Variants in NELL1 observed in about 807,000 individuals in gnomAD.
NELL1 encodes the protein neural EGFL like 1.
NELL1 carries 76 observed loss-of-function variants against 107.4 expected under a neutral mutation model. That is an observed-to-expected ratio of 0.71 (90% CI 0.59 to 0.86). NELL1 has a LOEUF of 0.86. Ranked by LOEUF, NELL1 falls within the 40% of genes least tolerant of loss-of-function variation. NELL1 has a pLI of 0.00. For missense variants in NELL1, 1,024 were observed against 1,005.5 expected (o/e 1.02, Z -0.25); for synonymous variants, 353 against 341.2 (o/e 1.03, Z -0.38).
intron 15 of NELL1, among the ~76,000 whole-genome samples, chr11:21,436,367 A>G (rs1380707002): frequency 6.6e-6 from 1 of 151,946 alleles, no homozygotes. Context: ...TCCTTATTTA[A>G]TCTTGTTCAG....
At chr11:21,139,858 T>C (rs996893816) in intron 13 of NELL1, among the ~76,000 whole-genome samples, 4 of 152,188 alleles carry the variant, frequency 2.6e-5, no homozygotes, top group African/African-American at 9.6e-5. Flanking sequence ...GGGACTGGGT[T>C]GGCACAGCAA....
chr11:20,783,850 T>A lies in NELL1; in HGVS notation c.335+20T>A, dbSNP rs1032594236. ...GCACAGGTAAGAAAGCTCTTTCTGC[T>A]TTTGAAAATCTCCTTAGAGTTAATG... On this transcript the variant is annotated intron_variant, in intron 3 of 19. Transcript: ENST00000357134. The A allele has an allele frequency of 6.3e-7, 1 of 1,596,422 alleles. No homozygotes were observed. Among genetic ancestry groups the A allele is most frequent in the Non-Finnish European group, 8.5e-7 (1 of 1,171,362 alleles).
chr11:20,740,844 T>C (rs537579969), intron 2 of NELL1, among the ~76,000 whole-genome samples: 2 of 152,184 alleles, frequency 1.3e-5, no homozygotes, highest in Non-Finnish European at 2.9e-5. Context: ...TAGGCTGGAT[T>C]CAAACTCCTG....
chr11:21,050,279 C>CGCT (rs1554962651), intron 12 of NELL1, among the ~76,000 whole-genome samples: 2 of 151,442 alleles, frequency 1.3e-5, no homozygotes, highest in African/African-American at 4.9e-5. Context: ...CCGCCCCCCA[C>CGCT]TTTTTTTTAA....
intron 6 of NELL1, among the ~76,000 whole-genome samples, chr11:20,918,655 T>C (rs981405814): frequency 1.4e-4 from 22 of 152,038 alleles, no homozygotes; most frequent in African/African-American, 5.3e-4. Context: ...AACCATCAGA[T>C]CTTGTGAGAC....
rs199894731 is a variant in NELL1 at position 20,960,421 on chromosome 11, G to GT, written c.1172-5dup. On this transcript the variant is annotated splice_polypyrimidine_tract_variant and intron_variant, in intron 11 of 19. Transcript: ENST00000357134. ...CCTTTTCTGATGTACGTTTTTATTTGTTTTTTCTAGGTCATAACTTTTGTG... is the reference window on the plus strand; with the variant it reads ...CCTTTTCTGATGTACGTTTTTATTTGTTTTTTTCTAGGTCATAACTTTTGTG... 2.3e-3 allele frequency: 3,636 copies of GT among 1,611,526 alleles called. 54 individuals are homozygous for GT. The African/African-American group carries it at 0.038, about 17-fold the overall frequency.
At chr11:21,239,924 A>G (rs1329187346) in intron 14 of NELL1, among the ~76,000 whole-genome samples, 2 of 152,010 alleles carry the variant, frequency 1.3e-5, no homozygotes, top group Non-Finnish European at 2.9e-5. Context: ...TAGAAATGGG[A>G]AGTTTTGGGG....
At chr11:21,472,123 A>G (rs1854197114) in intron 15 of NELL1, among the ~76,000 whole-genome samples, 1 of 148,830 alleles carries the variant, frequency 6.7e-6, no homozygotes, top group South Asian at 2.2e-4. Flanking sequence ...CTCCCAGAAG[A>G]AAGACACAAG....
intron 12 of NELL1, among the ~76,000 whole-genome samples, chr11:21,025,657 C>T (rs1007712299): frequency 2.0e-5 from 3 of 152,052 alleles, no homozygotes; most frequent in East Asian, 1.9e-4. Flanking sequence ...TATACTCACT[C>T]CCTTCGTGAT....
intron 13 of NELL1, among the ~76,000 whole-genome samples, chr11:21,203,199 CT>C (rs145331587): frequency 0.023 from 3,473 of 152,220 alleles, 135 homozygotes; most frequent in African/African-American, 0.077. Context: ...TCTCATTGAT[CT>C]GTCTAATATG....
intron 13 of NELL1, among the ~76,000 whole-genome samples, chr11:21,182,251 T>A (rs941314800): frequency 1.8e-4 from 28 of 151,678 alleles, no homozygotes; most frequent in African/African-American, 6.3e-4. Context: ...CTGGCCAACA[T>A]AGCGAAACCC....
chr11:21,195,930 G>C (rs1376346726), intron 13 of NELL1, among the ~76,000 whole-genome samples: 1 of 152,204 alleles, frequency 6.6e-6, no homozygotes, highest in Non-Finnish European at 1.5e-5. Flanking sequence ...TTTTCAGCAT[G>C]AAGTGTTATT....
At chr11:21,048,540 T>TA (rs1853412053) in intron 12 of NELL1, among the ~76,000 whole-genome samples, 1 of 152,136 alleles carries the variant, frequency 6.6e-6, no homozygotes, top group Non-Finnish European at 1.5e-5. Context: ...TCCTCCCTCT[T>TA]ACAGGAGAGG....
chr11:20,990,023 CT>C (rs1565002878), intron 12 of NELL1, among the ~76,000 whole-genome samples: 1 of 151,574 alleles, frequency 6.6e-6, no homozygotes, highest in African/African-American at 2.4e-5. Flanking sequence ...AAATTCCAGT[CT>C]AGTTTGCGAC....
At chr11:21,077,758 A>AAG (rs397952301) in intron 12 of NELL1, among the ~76,000 whole-genome samples, 1 of 150,894 alleles carries the variant, frequency 6.6e-6, no homozygotes, top group Non-Finnish European at 1.5e-5. Flanking sequence ...AAAAAAAAAA[A>AAG]GAAGAATTAA....
intron 14 of NELL1, among the ~76,000 whole-genome samples, chr11:21,269,220 CAAAA>C (rs1326807284): frequency 6.6e-6 from 1 of 151,710 alleles, no homozygotes; most frequent in African/African-American, 2.4e-5. Context: ...AAGAAGAAAA[CAAAA>C]AGAAACAATA....
chr11:21,391,281 ACT>A (rs1851872302), intron 15 of NELL1, among the ~76,000 whole-genome samples: 2 of 151,688 alleles, frequency 1.3e-5, no homozygotes, highest in African/African-American at 4.8e-5. Flanking sequence ...TCTCTGAGAA[ACT>A]GTGGCCGTTT....
chr11:21,137,950 C>A (rs184413852), intron 13 of NELL1, among the ~76,000 whole-genome samples: 1 of 152,206 alleles, frequency 6.6e-6, no homozygotes, highest in Non-Finnish European at 1.5e-5. Flanking sequence ...CCAGCGCTAC[C>A]CTATGTAAAT....
intron 13 of NELL1, among the ~76,000 whole-genome samples, chr11:21,162,374 G>A (rs1368260929): frequency 1.3e-5 from 2 of 152,178 alleles, no homozygotes; most frequent in African/African-American, 4.8e-5. Flanking sequence ...GATTGGGATT[G>A]AGTGCCTCTC....
Sources: allele counts gnomAD v4.1 joint callset (sites outside exome capture counted in the v4.1 genomes callset), GRCh38; gene constraint gnomAD v4.1.1; transcripts MANE v1.5; gene names NCBI Gene and HGNC (gene_info 2026-07-23, HGNC 2026-07-21).